CDYL2: variants seen among roughly 807,000 people sequenced by gnomAD.
CDYL2 encodes the protein chromodomain Y like 2.
Under a neutral mutation model 49.4 loss-of-function variants are expected in CDYL2, and 23 were observed. That is an observed-to-expected ratio of 0.47 (90% CI 0.34 to 0.66). The LOEUF is 0.66. Ranked by LOEUF, CDYL2 falls within the 30% of genes least tolerant of loss-of-function variation. The pLI is 0.01. For missense variants in CDYL2, 678 were observed against 656.4 expected (o/e 1.03, Z -0.36); for synonymous variants, 360 against 268.8 (o/e 1.34, Z -3.32).
chr16:80,782,523 A>G (rs1907301793), intron 1 of CDYL2, among the ~76,000 whole-genome samples: 1 of 147,956 alleles, frequency 6.8e-6, no homozygotes, highest in East Asian at 1.9e-4. Flanking sequence ...AGCCAAAGAC[A>G]TAAGGAGAAA....
chr16:80,730,634 G>A (rs911981490), intron 1 of CDYL2, among the ~76,000 whole-genome samples: 8 of 152,052 alleles, frequency 5.3e-5, no homozygotes, highest in African/African-American at 1.9e-4. Context: ...CCAAAGCCGG[G>A]CAGAGACACA....
At chr16:80,730,459 A>T (rs1905288323) in intron 1 of CDYL2, among the ~76,000 whole-genome samples, 1 of 152,158 alleles carries the variant, frequency 6.6e-6, no homozygotes, top group African/African-American at 2.4e-5. Flanking sequence ...GGCAATAATC[A>T]ATAGCTTGCC....
chr16:80,713,763 T>C (rs1904701335), intron 1 of CDYL2, among the ~76,000 whole-genome samples: 1 of 152,146 alleles, frequency 6.6e-6, no homozygotes, highest in African/African-American at 2.4e-5. Flanking sequence ...TCTATGGCTA[T>C]ATCATAAAAG....
intron 2 of CDYL2, among the ~76,000 whole-genome samples, chr16:80,672,903 G>A (rs1375404957): frequency 6.6e-6 from 1 of 152,252 alleles, no homozygotes; most frequent in East Asian, 1.9e-4. Context: ...TGGGCACTAG[G>A]AAGGCTCACG....
intron 2 of CDYL2, among the ~76,000 whole-genome samples, chr16:80,634,100 A>G (rs1907703282): frequency 6.6e-6 from 1 of 151,880 alleles, no homozygotes; most frequent in Non-Finnish European, 1.5e-5. Flanking sequence ...AAAGGGAAAG[A>G]GAGAGGGAAG....
intron 3 of CDYL2, among the ~76,000 whole-genome samples, chr16:80,629,488 T>C (rs1010440284): frequency 6.6e-6 from 1 of 152,140 alleles, no homozygotes; most frequent in Admixed American, 6.6e-5. Context: ...AGTGGTAGGA[T>C]TGTGGGCTGA....
In CDYL2 at chr16:80,650,766, C is replaced by T. The variant is rs111352579; in HGVS notation, c.617-17530G>A. ...GGATAAAGAAAATGTGGTACTTATA[C>T]ACAATGGAGTACTACTCAGCCATAA... On this transcript the variant is annotated intron_variant, in intron 2 of 6. Transcript: ENST00000570137. Among the ~76,000 whole-genome samples the T allele has an allele frequency of 2.3e-3, 356 of 152,200 alleles. 2 individuals carry two copies. The highest frequency in any genetic ancestry group is 8.1e-3 in the African/African-American group (338 of 41,536).
At chr16:80,765,728 CAAAAAAAA>C (rs35740729) in intron 1 of CDYL2, among the ~76,000 whole-genome samples, 7 of 55,178 alleles carry the variant, frequency 1.3e-4, no homozygotes, top group Non-Finnish European at 2.4e-4. Flanking sequence ...GTATTAATCG[CAAAAAAAA>C]AAAAAAAAAA....
In CDYL2 at chr16:80,676,965, T is replaced by C. The variant is rs1049123579; in HGVS notation, c.616+7573A>G. On this transcript the variant is annotated intron_variant, in intron 2 of 6. Coordinates refer to ENST00000570137, the MANE Select transcript of CDYL2 (RefSeq NM_152342.4). ...CTTTTTAACAACCAATTCAATGTAT[T>C]TTTTTTTTTTTTTTTTTTTTTTTGA... 4.5e-3 allele frequency among the ~76,000 whole-genome samples: 455 copies of C among 101,380 alleles called. 13 individuals are homozygous for C. Among genetic ancestry groups the C allele is most frequent in the South Asian group, 7.1e-3 (23 of 3,238 alleles). 66.5% of individuals were successfully genotyped at this position (101,380 alleles called of 152,430 possible).
intron 2 of CDYL2, chr16:80,670,842 G>C (rs1224054425): frequency 4.5e-6 from 2 of 448,432 alleles, no homozygotes; most frequent in Non-Finnish European, 9.0e-6. Flanking sequence ...TTGCACACGA[G>C]GAAGATAAAA....
intron 3 of CDYL2, among the ~76,000 whole-genome samples, chr16:80,629,175 G>A (rs576511398): frequency 5.3e-5 from 8 of 152,288 alleles, no homozygotes; most frequent in Admixed American, 5.2e-4. Flanking sequence ...GGAGGGGTGT[G>A]TGTATAAAGG....
At chr16:80,766,135 G>C (rs1408840961) in intron 1 of CDYL2, among the ~76,000 whole-genome samples, 2 of 151,892 alleles carry the variant, frequency 1.3e-5, no homozygotes, top group African/African-American at 4.8e-5. Context: ...TTTTTTTGAA[G>C]GAGAAGGGGA....
At chr16:80,762,651 G>T (rs1415560478) in intron 1 of CDYL2, among the ~76,000 whole-genome samples, 1 of 152,170 alleles carries the variant, frequency 6.6e-6, no homozygotes. Flanking sequence ...TAAAGTATTT[G>T]TAACCCCAAA....
At chr16:80,736,123 G>T (rs1204773586) in intron 1 of CDYL2, among the ~76,000 whole-genome samples, 1 of 152,238 alleles carries the variant, frequency 6.6e-6, no homozygotes, top group South Asian at 2.1e-4. Context: ...ACAGGCCCAA[G>T]GCCACTGTGT....
intron 1 of CDYL2, among the ~76,000 whole-genome samples, chr16:80,783,851 C>G (rs897527468): frequency 6.6e-6 from 1 of 152,034 alleles, no homozygotes; most frequent in South Asian, 2.1e-4. Flanking sequence ...ACAAAATAGG[C>G]AAAAGCCACA....
Position 80,684,854 on chromosome 16 carries a change from C to G in CDYL2, c.300G>C (p.Lys100Asn). ...TTCGCTTCCGTTTATGGGAGGTCCC[C>G]TTGCTCTTTCCAGGATCTGAAGGTC... The part of the protein sequence containing the change: ...SHRPSDPGKS[K>N]GTSHKRKRIN... The change falls in exon 2 of 7, where the codon AAG becomes AAC. Residue 100 changes from lysine (K) to asparagine (N), a missense_variant. Lys to Asn is a moderately conservative substitution (Grantham distance 94, BLOSUM62 0). This residue lies in a region of CDYL2 where 478 missense variants were observed against 427.0 expected (regional missense o/e 1.12). Transcript: ENST00000570137. 6.2e-7 allele frequency: 1 copy of G among 1,614,178 alleles called. No individual in the cohort carries two copies. Among genetic ancestry groups the G allele is most frequent in the Non-Finnish European group, 8.5e-7 (1 of 1,180,038 alleles).
chr16:80,641,382 T>C (rs985734357), intron 2 of CDYL2, among the ~76,000 whole-genome samples: 1 of 152,134 alleles, frequency 6.6e-6, no homozygotes, highest in Non-Finnish European at 1.5e-5. Context: ...TAGTATAGTA[T>C]ATCTGGTGAA....
At chr16:80,643,807 A>C (rs1263076224) in intron 2 of CDYL2, among the ~76,000 whole-genome samples, 3 of 152,210 alleles carry the variant, frequency 2.0e-5, no homozygotes, top group Non-Finnish European at 4.4e-5. Flanking sequence ...CCCCGGGCCC[A>C]GCCTACAAAA....
chr16:80,628,610 A>G lies in CDYL2; in HGVS notation c.834+4409T>C, dbSNP rs551213632. On this transcript the variant is annotated intron_variant, in intron 3 of 6. Transcript: ENST00000570137. ...AGCCATGCCCAGATTCCTGACCCAC[A>G]GCAATTATGAGACAATAAACGTGTG... Among the ~76,000 whole-genome samples the G allele has an allele frequency of 2.6e-5, 4 of 152,334 alleles. No individual in the cohort carries two copies. In the South Asian group the frequency reaches 8.3e-4, roughly 32 times the overall value.
Sources: allele counts gnomAD v4.1 joint callset (sites outside exome capture counted in the v4.1 genomes callset), GRCh38; gene constraint gnomAD v4.1.1; regional missense constraint gnomAD v4.1.1; transcripts MANE v1.5; gene names NCBI Gene and HGNC (gene_info 2026-07-23, HGNC 2026-07-21).